Variants in PKP2 observed in about 807,000 individuals in gnomAD.
The protein encoded by PKP2 is plakophilin-2.
In PKP2, 73 loss-of-function variants were observed where a neutral mutation model predicts 83.4. That is an observed-to-expected ratio of 0.88 (90% CI 0.72 to 1.06). PKP2 has a LOEUF of 1.06. PKP2 is among the 50% of genes least tolerant of loss of function. The pLI is 0.00. For missense variants in PKP2, 966 were observed against 1,065.4 expected, an observed-to-expected ratio of 0.91 and a Z score of 1.30; for synonymous variants, 409 against 430.4, an observed-to-expected ratio of 0.95 and a Z score of 0.62.
intron 6 of PKP2, among the ~76,000 whole-genome samples, chr12:32,829,056 C>T (rs192629205): frequency 1.2e-3 from 181 of 152,180 alleles, no homozygotes; most frequent in African/African-American, 4.2e-3. Flanking sequence ...CTATCTCAGC[C>T]ATCTGAGTAG....
intron 1 of PKP2, among the ~76,000 whole-genome samples, chr12:32,882,524 A>T (rs1348171177): frequency 6.6e-6 from 1 of 152,232 alleles, no homozygotes; most frequent in Non-Finnish European, 1.5e-5. Context: ...ATCTTTGGAC[A>T]GGACCCAGTG....
chr12:32,863,819 A>C (rs1956822175), intron 4 of PKP2, among the ~76,000 whole-genome samples: 2 of 152,244 alleles, frequency 1.3e-5, no homozygotes, highest in Admixed American at 6.5e-5. Flanking sequence ...TTCCCAGTTC[A>C]TTCTATGAGA....
intron 9 of PKP2, among the ~76,000 whole-genome samples, chr12:32,817,695 T>C (rs1956332827): frequency 6.6e-6 from 1 of 152,346 alleles, no homozygotes; most frequent in Middle Eastern, 3.4e-3. Context: ...CATGAAGATA[T>C]TCTTCCATGT....
intron 6 of PKP2, among the ~76,000 whole-genome samples, chr12:32,832,489 T>C (rs1160949279): frequency 6.6e-6 from 1 of 152,226 alleles, no homozygotes. Flanking sequence ...TATGATAGTA[T>C]AACATTAGAA....
chr12:32,820,335 C>T (rs1956364346), intron 9 of PKP2: 1 of 152,184 alleles, frequency 6.6e-6, no homozygotes, highest in South Asian at 2.1e-4. Flanking sequence ...CTAATCGTTT[C>T]ATGACCAAGG....
intron 9 of PKP2, among the ~76,000 whole-genome samples, chr12:32,818,484 A>G: frequency 6.6e-6 from 1 of 152,094 alleles, no homozygotes; most frequent in Non-Finnish European, 1.5e-5. Flanking sequence ...ACCCAAAAAA[A>G]CCCGAAACTT....
chr12:32,809,139 C>T (rs564949347), intron 9 of PKP2, among the ~76,000 whole-genome samples: 2 of 152,238 alleles, frequency 1.3e-5, no homozygotes, highest in East Asian at 3.9e-4. Flanking sequence ...GACTGAACCA[C>T]AGAGATGGCA....
chr12:32,840,914 T>A (rs982130463), intron 6 of PKP2, 114 bp downstream of exon 6: 5 of 776,022 alleles, frequency 6.4e-6, no homozygotes, highest in Admixed American at 5.7e-5. Context: ...AAACAAACCA[T>A]CAAACAAACT....
intron 9 of PKP2, chr12:32,820,071 T>A (rs538671841): frequency 6.6e-6 from 1 of 152,226 alleles, no homozygotes; most frequent in Non-Finnish European, 1.5e-5. Context: ...TTTCTCAATG[T>A]ACATTTTGCA....
intron 6 of PKP2, among the ~76,000 whole-genome samples, chr12:32,839,058 A>G (rs6488097): frequency 0.69 from 104,912 of 152,058 alleles, 37,471 homozygotes; most frequent in Non-Finnish European, 0.8. Context: ...ATCTAAGGAA[A>G]AGCAAGCACT....
chr12:32,821,903 G>A, intron 8 of PKP2: 2 of 282,302 alleles, frequency 7.1e-6, no homozygotes, highest in East Asian at 9.6e-5. Flanking sequence ...TTGTGAAAGT[G>A]TCCAGGATAG....
Position 32,865,172 on chromosome 12 carries a change from GGA to G in PKP2, c.1170+3753_1170+3754del, listed in dbSNP as rs1956835652. 3.3e-5 allele frequency among the ~76,000 whole-genome samples: 5 copies of G among 149,710 alleles called. No homozygotes were observed. In the South Asian group the frequency reaches 1.1e-3, roughly 32 times the overall value. ...AGTGGATCACTTGAGGTCAGGAGTT[GGA>G]GACCAGCCTAGCCAACATGGTGAAA... On this transcript the variant is annotated intron_variant, in intron 4 of 12. Transcript: ENST00000340811.
At chr12:32,792,513 A>C in intron 12 of PKP2, 21 bp from the exon 13 acceptor site, 1 of 1,608,994 alleles carries the variant, frequency 6.2e-7, no homozygotes, top group Non-Finnish European at 8.5e-7. Flanking sequence ...AGCAAACAGA[A>C]ACGTGAAAGG....
intron 1 of PKP2, among the ~76,000 whole-genome samples, chr12:32,886,177 T>TA (rs546513183): frequency 4.2e-4 from 64 of 152,352 alleles, no homozygotes; most frequent in Admixed American, 1.8e-3. Context: ...GATGGTCTTT[T>TA]AGAAGGAAAG....
chr12:32,873,918 A>T (rs1956913460), intron 3 of PKP2, among the ~76,000 whole-genome samples: 1 of 151,636 alleles, frequency 6.6e-6, no homozygotes, highest in African/African-American at 2.4e-5. Flanking sequence ...ACTGGTCATA[A>T]ATCATGGTTT....
At chr12:32,895,086 C>T (rs1170456648) in intron 1 of PKP2, among the ~76,000 whole-genome samples, 6 of 152,032 alleles carry the variant, frequency 3.9e-5, no homozygotes, top group Non-Finnish European at 8.8e-5. Flanking sequence ...GTTTAAATAC[C>T]AGCTCTGCCA....
Position 32,821,490 on chromosome 12 carries a change from G to T in PKP2, c.1879C>A (p.Pro627Thr). The change falls in exon 9 of 13, where the codon CCC becomes ACC. Residue 627 changes from proline (P) to threonine (T), a missense_variant. Coordinates refer to ENST00000340811, the MANE Select transcript of PKP2 (RefSeq NM_001005242.3). ...DVPMPEEKSNPKGVEWLWHSI... is the reference protein window; with the variant it reads ...DVPMPEEKSNTKGVEWLWHSI... ...TGCCACAGCCACTCCACGCCCTTGG[G>T]GTTGCTCTTTTCCTCCGGCATCGGC... The T allele has an allele frequency of 6.2e-7, 1 of 1,613,974 alleles. No individual in the cohort carries two copies. Among genetic ancestry groups the T allele is most frequent in the Non-Finnish European group, 8.5e-7 (1 of 1,179,996 alleles).
At chr12:32,893,431 C>G (rs1460251597) in intron 1 of PKP2, 1 of 152,206 alleles carries the variant, frequency 6.6e-6, no homozygotes, top group East Asian at 1.9e-4. Flanking sequence ...CACGAGCCCC[C>G]AGACCTTTTC....
intron 6 of PKP2, among the ~76,000 whole-genome samples, chr12:32,826,678 T>C (rs977285718): frequency 6.6e-6 from 1 of 152,154 alleles, no homozygotes. Context: ...AATAAAACAA[T>C]TTTTTACTTA....
Sources: allele counts gnomAD v4.1 joint callset (sites outside exome capture counted in the v4.1 genomes callset), GRCh38; gene constraint gnomAD v4.1.1; transcripts MANE v1.5; gene names NCBI Gene and HGNC (gene_info 2026-07-23, HGNC 2026-07-21).